Variants in POU2F3 observed in about 807,000 individuals in gnomAD.
POU2F3 encodes the protein POU class 2 homeobox 3, also known as POU domain, class 2, transcription factor 3.
A neutral mutation model predicts 59.2 loss-of-function variants in POU2F3; 23 were observed. That is an observed-to-expected ratio of 0.39 (90% confidence interval 0.28 to 0.55). The LOEUF (loss-of-function observed/expected upper bound fraction) is 0.55. POU2F3 is among the 20% of genes least tolerant of loss of function. The pLI, the probability that POU2F3 is intolerant of heterozygous loss-of-function variation, is 0.66. For synonymous variants in POU2F3, 190 were observed against 214.6 expected, an observed-to-expected ratio of 0.89 and a Z score of 1.00; for missense variants, 473 against 544.5, an observed-to-expected ratio of 0.87 and a Z score of 1.31.
At chr11:120,269,335 A>G in intron 3 of POU2F3, 91 bp downstream of exon 3, 1 of 1,121,880 alleles carries the variant, frequency 8.9e-7, no homozygotes. Context: ...GATTAAGTAC[A>G]GTTTGGGGGT....
chr11:120,248,664 G>C (rs976228414), intron 2 of POU2F3, among the ~76,000 whole-genome samples: 1 of 152,142 alleles, frequency 6.6e-6, no homozygotes, highest in Non-Finnish European at 1.5e-5. Flanking sequence ...ACCACCAGGA[G>C]ATCTTTCACT....
chr11:120,236,689 A>G (rs1174044321), upstream of POU2F3: 4 of 1,506,216 alleles, frequency 2.7e-6, no homozygotes, highest in East Asian at 2.4e-5. Flanking sequence ...GTCTCCAAGA[A>G]CTGCTAAAGG....
chr11:120,317,484 T>C, intron 12 of POU2F3, 120 bp downstream of exon 12: 1 of 1,407,840 alleles, frequency 7.1e-7, no homozygotes, highest in South Asian at 1.3e-5. Flanking sequence ...AGGAATGGGG[T>C]GGCACAGAGA....
chr11:120,284,392 T>G (rs1025012748), intron 3 of POU2F3, among the ~76,000 whole-genome samples: 1 of 152,164 alleles, frequency 6.6e-6, no homozygotes, highest in Non-Finnish European at 1.5e-5. Context: ...GTTGGCTTTA[T>G]GCAAATAGAG....
At chr11:120,271,346 A>T (rs1050013527) in intron 3 of POU2F3, among the ~76,000 whole-genome samples, 3 of 152,204 alleles carry the variant, frequency 2.0e-5, no homozygotes, top group African/African-American at 7.2e-5. Flanking sequence ...TACCTCAGAG[A>T]TAGTTTGGCC....
chr11:120,263,175 A>T (rs758356328), intron 2 of POU2F3, among the ~76,000 whole-genome samples: 11 of 152,012 alleles, frequency 7.2e-5, no homozygotes, highest in Non-Finnish European at 1.0e-4. Flanking sequence ...TATTTTTAGT[A>T]GAGACGTCGT....
intron 2 of POU2F3, among the ~76,000 whole-genome samples, chr11:120,267,828 T>C (rs929049294): frequency 3.0e-5 from 2 of 65,756 alleles, no homozygotes; most frequent in African/African-American, 1.0e-4. Context: ...TATTAATATA[T>C]ATGCATATGC....
At chr11:120,305,352 G>A (rs1226641954) in intron 7 of POU2F3, 140 bp downstream of exon 7, 11 of 1,035,472 alleles carry the variant, frequency 1.1e-5, no homozygotes, top group East Asian at 2.6e-5. Context: ...TCTGAGAATA[G>A]GGCACAGTTG....
chr11:120,261,696 T>C (rs1939610394), intron 2 of POU2F3, among the ~76,000 whole-genome samples: 1 of 152,220 alleles, frequency 6.6e-6, no homozygotes, highest in Admixed American at 6.5e-5. Flanking sequence ...TGGTCCTCCC[T>C]GTGCCTCTCT....
intron 1 of POU2F3, 21 bp downstream of exon 1, chr11:120,240,392 G>C (rs1938611526): frequency 7.1e-7 from 1 of 1,408,960 alleles, no homozygotes; most frequent in African/African-American, 1.5e-5. Context: ...GAGGGAATGA[G>C]CTCTGACAGG....
chr11:120,255,805 T>C (rs1939317417), intron 2 of POU2F3, among the ~76,000 whole-genome samples: 1 of 152,160 alleles, frequency 6.6e-6, no homozygotes, highest in African/African-American at 2.4e-5. Context: ...CTCAGTGTCC[T>C]GAGGACATCT....
Position 120,307,578 on chromosome 11 carries a change from C to A in POU2F3, c.869C>A (p.Thr290Asn), listed in dbSNP as rs1157128912. The A allele has an allele frequency of 6.2e-7, 1 of 1,614,216 alleles. No individual in the cohort carries two copies. Residue 290 changes from threonine (T) to asparagine (N), a missense_variant, in exon 9 of 13, where the codon ACC becomes AAC. Physicochemically the swap from Thr to Asn is moderately conservative, Grantham distance 65. Transcript: ENST00000543440. ...AGAAAGAAACGGACCAGCATCGAGA[C>A]CAACATCCGCCTGACTCTGGAGAAG... ...RKRKKRTSIE[T>N]NIRLTLEKRF...
At chr11:120,289,557 G>C (rs1050603599) in intron 3 of POU2F3, among the ~76,000 whole-genome samples, 1 of 152,066 alleles carries the variant, frequency 6.6e-6, no homozygotes, top group Non-Finnish European at 1.5e-5. Context: ...TCACCCGCCT[G>C]TCCTCTCCCT....
chr11:120,311,431 A>G (rs930270262), intron 10 of POU2F3, among the ~76,000 whole-genome samples: 3 of 151,792 alleles, frequency 2.0e-5, no homozygotes, highest in Non-Finnish European at 4.4e-5. Flanking sequence ...GGGATTCAAG[A>G]AATCCTTAGA....
At chr11:120,294,361 G>A (rs1382396139) in intron 3 of POU2F3, among the ~76,000 whole-genome samples, 1 of 152,212 alleles carries the variant, frequency 6.6e-6, no homozygotes, top group African/African-American at 2.4e-5. Context: ...TCCGTCCCAA[G>A]TAAAGTCTGG....
At chr11:120,240,106 C>A (rs561744052), upstream of POU2F3, 36 of 1,146,926 alleles carry the variant, frequency 3.1e-5, no homozygotes, top group African/African-American at 5.7e-4. Flanking sequence ...GCGTGGCCGG[C>A]GGCCCCCGCC....
intron 2 of POU2F3, among the ~76,000 whole-genome samples, chr11:120,251,930 G>A (rs531355395): frequency 6.6e-6 from 1 of 151,760 alleles, no homozygotes; most frequent in South Asian, 2.1e-4. Flanking sequence ...GAATAGCTGG[G>A]ATTATAGGTG....
rs76719732 is a variant in POU2F3 at position 120,280,499 on chromosome 11, G to A, written c.132+11255G>A. Among the ~76,000 whole-genome samples the A allele has an allele frequency of 2.3e-3, 350 of 152,284 alleles. 1 individual carries two copies. Among genetic ancestry groups the A allele is most frequent in the Non-Finnish European group, 4.1e-3 (279 of 68,010 alleles). ...GCATTATTCTTCCCATTATAAAGCT[G>A]GGGAAACTGTAGCTCAGAGAGGTTA... On this transcript the variant is annotated intron_variant, in intron 3 of 12. Transcript: ENST00000543440.
chr11:120,269,096 G>A, intron 2 of POU2F3, 114 bp from the exon 3 acceptor site: 1 of 736,810 alleles, frequency 1.4e-6, no homozygotes, highest in Non-Finnish European at 2.2e-6. Flanking sequence ...AAGCGAAGCA[G>A]GTGCTCTTTT....
Sources: allele counts gnomAD v4.1 joint callset (sites outside exome capture counted in the v4.1 genomes callset), GRCh38; gene constraint gnomAD v4.1.1; transcripts MANE v1.5; gene names NCBI Gene and HGNC (gene_info 2026-07-23, HGNC 2026-07-21).